LHFPL3: variants seen among roughly 807,000 people sequenced by gnomAD.
LHFPL3 encodes LHFPL tetraspan subfamily member 3 protein.
In LHFPL3, 5 loss-of-function variants were observed where a neutral mutation model predicts 19.3. The observed-to-expected ratio is 0.26, with a 90% CI of 0.14 to 0.54. LHFPL3 has a LOEUF of 0.54. LHFPL3 is among the 20% of genes least tolerant of loss of function. LHFPL3 has a pLI of 0.94. For missense variants in LHFPL3, 249 were observed against 307.4 expected, an observed-to-expected ratio of 0.81 and a Z score of 1.42; for synonymous variants, 133 against 126.2, an observed-to-expected ratio of 1.05 and a Z score of -0.36.
chr7:104,482,163 G>A (rs1793149805), intron 1 of LHFPL3, among the ~76,000 whole-genome samples: 1 of 152,134 alleles, frequency 6.6e-6, no homozygotes, highest in Non-Finnish European at 1.5e-5. Flanking sequence ...TACTCACACT[G>A]GACTCCTGGG....
chr7:104,747,068 G>A (rs868083924), intron 2 of LHFPL3, among the ~76,000 whole-genome samples: 3 of 152,136 alleles, frequency 2.0e-5, no homozygotes, highest in African/African-American at 7.2e-5. Context: ...TTCGGTTTTT[G>A]TTTTGTTTCT....
At chr7:104,516,379 G>A (rs965624242) in intron 1 of LHFPL3, among the ~76,000 whole-genome samples, 1 of 152,024 alleles carries the variant, frequency 6.6e-6, no homozygotes, top group African/African-American at 2.4e-5. Flanking sequence ...GATGTGATTT[G>A]GGTAGGGACA....
At chr7:104,897,819 A>G (rs139148583) in intron 2 of LHFPL3, among the ~76,000 whole-genome samples, 37 of 152,302 alleles carry the variant, frequency 2.4e-4, no homozygotes, top group African/African-American at 8.4e-4. Context: ...ATGCACAAAC[A>G]CAGATATATC....
At chr7:104,532,322 T>C (rs1794315195) in intron 1 of LHFPL3, among the ~76,000 whole-genome samples, 1 of 142,110 alleles carries the variant, frequency 7.0e-6, no homozygotes, top group Non-Finnish European at 1.5e-5. Context: ...TTCTGTCTTT[T>C]TTTTTTTTTT....
chr7:104,393,217 G>T (rs1406829405), intron 1 of LHFPL3, among the ~76,000 whole-genome samples: 1 of 152,112 alleles, frequency 6.6e-6, no homozygotes, highest in African/African-American at 2.4e-5. Context: ...CTTGCTGGTC[G>T]TAATGTAAGA....
intron 1 of LHFPL3, among the ~76,000 whole-genome samples, chr7:104,568,094 A>G (rs188077954): frequency 1.3e-5 from 2 of 152,254 alleles, no homozygotes; most frequent in East Asian, 3.9e-4. Flanking sequence ...CACCTCTCCT[A>G]TGGACTCTTA....
At chr7:104,874,010 G>A (rs1043890198) in intron 2 of LHFPL3, among the ~76,000 whole-genome samples, 1 of 152,154 alleles carries the variant, frequency 6.6e-6, no homozygotes, top group Non-Finnish European at 1.5e-5. Context: ...TGGCCCATGG[G>A]GTCTTCCCTC....
At chr7:104,646,595 G>T (rs986979974) in intron 1 of LHFPL3, among the ~76,000 whole-genome samples, 4 of 152,160 alleles carry the variant, frequency 2.6e-5, no homozygotes, top group Admixed American at 6.5e-5. Context: ...GATTCTCCAA[G>T]TTTACTTATA....
chr7:104,388,699 G>A (rs1790998903), intron 1 of LHFPL3, among the ~76,000 whole-genome samples: 1 of 152,034 alleles, frequency 6.6e-6, no homozygotes, highest in Non-Finnish European at 1.5e-5. Context: ...TGAACAAGTG[G>A]CACTTATCCC....
chr7:104,749,244 C>A (rs1794109636), intron 2 of LHFPL3, among the ~76,000 whole-genome samples: 1 of 152,256 alleles, frequency 6.6e-6, no homozygotes, highest in Non-Finnish European at 1.5e-5. Flanking sequence ...GCCAGTCCTG[C>A]ATTGGCAACC....
intron 1 of LHFPL3, among the ~76,000 whole-genome samples, chr7:104,630,530 G>T (rs1256759196): frequency 6.6e-6 from 1 of 152,134 alleles, no homozygotes; most frequent in East Asian, 1.9e-4. Flanking sequence ...TTGACAGGAG[G>T]CCTGAAATAC....
chr7:104,560,257 AC>A (rs1426121006), intron 1 of LHFPL3, among the ~76,000 whole-genome samples: 1 of 124,836 alleles, frequency 8.0e-6, no homozygotes, highest in Non-Finnish European at 1.6e-5. Flanking sequence ...AAGGAATGGT[AC>A]CAGTTCCTCC....
At chr7:104,351,069 C>T (rs1790165532) in intron 1 of LHFPL3, among the ~76,000 whole-genome samples, 1 of 150,524 alleles carries the variant, frequency 6.6e-6, no homozygotes, top group Admixed American at 6.6e-5. Flanking sequence ...AAGAAAAGGT[C>T]TCTTCGACAA....
At chr7:104,609,756 A>G (rs1295190255) in intron 1 of LHFPL3, among the ~76,000 whole-genome samples, 1 of 152,204 alleles carries the variant, frequency 6.6e-6, no homozygotes, top group Non-Finnish European at 1.5e-5. Flanking sequence ...AATTAGTTTT[A>G]AAATATTTTG....
In LHFPL3 at chr7:104,901,561, GT is replaced by G. The variant is rs918114475; in HGVS notation, c.683-4619del. 3.3e-4 allele frequency among the ~76,000 whole-genome samples: 50 copies of G among 151,844 alleles called. 2 individuals carry two copies. The highest frequency in any genetic ancestry group is 5.9e-5 in the Non-Finnish European group (4 of 67,966). On this transcript the variant is annotated intron_variant, in intron 2 of 2. Coordinates refer to ENST00000424859, the MANE Select transcript of LHFPL3 (RefSeq NM_199000.3). ...AGGTACCTAGGGGGCAAGCTTTTTT[GT>G]TTTTTTGTTTGTTTGCTTGTTTTTT...
chr7:104,868,750 A>C (rs1368403811), intron 2 of LHFPL3, among the ~76,000 whole-genome samples: 1 of 152,224 alleles, frequency 6.6e-6, no homozygotes, highest in Non-Finnish European at 1.5e-5. Flanking sequence ...AGAACCAAAA[A>C]AGAGCCCGCA....
At chr7:104,364,067 G>A (rs911108514) in intron 1 of LHFPL3, among the ~76,000 whole-genome samples, 2 of 152,162 alleles carry the variant, frequency 1.3e-5, no homozygotes, top group Non-Finnish European at 2.9e-5. Context: ...AAGTAGAGTC[G>A]CAAGGAGAGT....
At position 104,722,244 on chromosome 7, in the gene LHFPL3, G is replaced by A. The variant is rs1245364279; in HGVS notation, c.446-14431G>A. 2.0e-5 allele frequency among the ~76,000 whole-genome samples: 3 copies of A among 152,156 alleles called. No individual in the cohort carries two copies. In the East Asian group the frequency reaches 5.8e-4, roughly 29 times the overall value. ...AGCCGAGGTCCAAGGTTTCACAGCTGATACCGCACAATGTGTGGATGTATA... is the reference window on the plus strand; with the variant it reads ...AGCCGAGGTCCAAGGTTTCACAGCTAATACCGCACAATGTGTGGATGTATA... On this transcript the variant is annotated intron_variant, in intron 1 of 2. Transcript: ENST00000424859.
At chr7:104,684,395 G>A (rs1219392135) in intron 1 of LHFPL3, among the ~76,000 whole-genome samples, 2 of 152,348 alleles carry the variant, frequency 1.3e-5, no homozygotes, top group Admixed American at 6.5e-5. Context: ...ACTGGTAGAT[G>A]ACTGTTGCAA....
Sources: allele counts gnomAD v4.1 joint callset (sites outside exome capture counted in the v4.1 genomes callset), GRCh38; gene constraint gnomAD v4.1.1; transcripts MANE v1.5; gene names NCBI Gene and HGNC (gene_info 2026-07-23, HGNC 2026-07-21).